Variants in DACH2 observed in about 807,000 individuals in gnomAD.
DACH2 encodes the protein dachshund family transcription factor 2, also known as dachshund homolog 2.
In DACH2, 17 loss-of-function variants were observed where a neutral mutation model predicts 35.8. The observed-to-expected ratio is 0.48, with a 90% confidence interval of 0.33 to 0.71. The LOEUF is 0.71. DACH2 is among the 30% of genes least tolerant of loss of function. DACH2 has a pLI of 0.02. For missense variants in DACH2, 469 were observed against 472.7 expected (o/e 0.99, Z 0.07); for synonymous variants, 195 against 177.3 (o/e 1.10, Z -0.79).
At chrX:86,262,983 A>C in intron 1 of DACH2, 1 of 753,425 alleles carries the variant, frequency 1.3e-6, no homozygotes, top group Non-Finnish European at 1.6e-6. Flanking sequence ...CACCCAAAGC[A>C]CTCTTAGTTG....
At chrX:86,777,759 G>A (rs976681406) in intron 7 of DACH2, among the ~76,000 whole-genome samples, 18 of 110,661 alleles carry the variant, frequency 1.6e-4, no homozygotes, top group African/African-American at 5.2e-4. Context: ...TAAATAGTTC[G>A]TCAACACCAC....
chrX:86,221,535 G>A (rs2032710912), intron 1 of DACH2, among the ~76,000 whole-genome samples: 1 of 111,392 alleles, frequency 9.0e-6, no homozygotes, highest in African/African-American at 3.3e-5. Context: ...AGACTGCTTT[G>A]GCTAAACAGT....
At chrX:86,604,117 G>T (rs2039827678) in intron 3 of DACH2, among the ~76,000 whole-genome samples, 2 of 111,118 alleles carry the variant, frequency 1.8e-5, no homozygotes, top group Non-Finnish European at 3.8e-5. Flanking sequence ...GCTGCTACTG[G>T]ATGGATTTTC....
intron 3 of DACH2, among the ~76,000 whole-genome samples, chrX:86,645,122 A>G (rs1368121779): frequency 9.0e-6 from 1 of 111,265 alleles, no homozygotes; most frequent in Non-Finnish European, 1.9e-5. Context: ...CAACAGAGTA[A>G]ACAGACAACT....
intron 1 of DACH2, 106 bp from the exon 2 acceptor site, chrX:86,376,718 A>G (rs773084168): frequency 7.4e-5 from 75 of 1,018,379 alleles, no homozygotes; most frequent in Non-Finnish European, 9.1e-5. Flanking sequence ...ATTTAGGAAG[A>G]TGTTTTGTGA....
At chrX:86,599,330 T>A (rs1349802988) in intron 3 of DACH2, among the ~76,000 whole-genome samples, 1 of 110,955 alleles carries the variant, frequency 9.0e-6, no homozygotes, top group Non-Finnish European at 1.9e-5. Flanking sequence ...TCTTTCTTTC[T>A]CTTTCTTTCT....
chrX:86,386,687 G>C (rs938301905), intron 2 of DACH2, among the ~76,000 whole-genome samples: 1 of 111,313 alleles, frequency 9.0e-6, no homozygotes, highest in Non-Finnish European at 1.9e-5. Context: ...AACTCTTTCA[G>C]TAGGCTCCTG....
At chrX:86,526,318 G>A (rs1433109660) in intron 3 of DACH2, among the ~76,000 whole-genome samples, 1 of 111,517 alleles carries the variant, frequency 9.0e-6, no homozygotes, top group African/African-American at 3.3e-5. Flanking sequence ...CCAAAAATGA[G>A]TAACAAAATG....
intron 6 of DACH2, among the ~76,000 whole-genome samples, chrX:86,736,266 A>G (rs368306911): frequency 9.0e-6 from 1 of 111,519 alleles, no homozygotes; most frequent in Admixed American, 9.6e-5. Context: ...TAGAAAAATA[A>G]CAATGGACTG....
chrX:86,462,542 T>C (rs1379058498), intron 2 of DACH2, among the ~76,000 whole-genome samples: 1 of 111,561 alleles, frequency 9.0e-6, no homozygotes, highest in Non-Finnish European at 1.9e-5. Context: ...TTTTTGCAAA[T>C]AATTGCAGGA....
chrX:86,482,021 T>C (rs756262726), intron 2 of DACH2, among the ~76,000 whole-genome samples: 1 of 112,284 alleles, frequency 8.9e-6, no homozygotes, highest in Admixed American at 9.5e-5. Flanking sequence ...TTTTAAATCA[T>C]GATCAACTGG....
chrX:86,323,602 TC>T (rs956872705), intron 1 of DACH2, among the ~76,000 whole-genome samples: 1 of 111,838 alleles, frequency 8.9e-6, no homozygotes, highest in African/African-American at 3.3e-5. Flanking sequence ...AGCTTGGAGA[TC>T]CTATGTCTGA....
At chrX:86,603,350 G>A (rs749791523) in intron 3 of DACH2, among the ~76,000 whole-genome samples, 15 of 110,589 alleles carry the variant, frequency 1.4e-4, no homozygotes, top group Non-Finnish European at 2.5e-4. Context: ...TGAATTTTGC[G>A]GAGGACACAG....
chrX:86,336,978 A>G (rs774525406), intron 1 of DACH2, among the ~76,000 whole-genome samples: 1 of 108,601 alleles, frequency 9.2e-6, no homozygotes, highest in East Asian at 3.0e-4. Flanking sequence ...AGGATATCAG[A>G]GATTGAAGAT....
At chrX:86,750,498 G>T (rs1260094198) in intron 7 of DACH2, among the ~76,000 whole-genome samples, 1 of 111,813 alleles carries the variant, frequency 8.9e-6, no homozygotes, top group Non-Finnish European at 1.9e-5. Context: ...CAATAGACTA[G>T]TGTTGACTGT....
At chrX:86,757,933 C>CA (rs1349010072) in intron 7 of DACH2, among the ~76,000 whole-genome samples, 1 of 111,894 alleles carries the variant, frequency 8.9e-6, no homozygotes, top group Non-Finnish European at 1.9e-5. Context: ...AATTCAAACT[C>CA]ATTATTCATT....
At chrX:86,618,809 T>C (rs2040037279) in intron 3 of DACH2, among the ~76,000 whole-genome samples, 1 of 111,973 alleles carries the variant, frequency 8.9e-6, no homozygotes, top group African/African-American at 3.2e-5. Flanking sequence ...TGTGGTTACT[T>C]AAAAATGCAC....
At chrX:86,282,691 A>T (rs1436846548) in intron 1 of DACH2, among the ~76,000 whole-genome samples, 1 of 109,308 alleles carries the variant, frequency 9.1e-6, no homozygotes, top group African/African-American at 3.3e-5. Context: ...AATATCCAGA[A>T]TCTGCAAAGA....
At chrX:86,739,137 G>T (rs189132799) in intron 6 of DACH2, among the ~76,000 whole-genome samples, 2 of 111,929 alleles carry the variant, frequency 1.8e-5, no homozygotes, top group East Asian at 5.6e-4. Flanking sequence ...GCCTCCCAAA[G>T]TGCTGAGATT....
Sources: allele counts gnomAD v4.1 joint callset (sites outside exome capture counted in the v4.1 genomes callset), GRCh38; gene constraint gnomAD v4.1.1; transcripts MANE v1.5; gene names NCBI Gene and HGNC (gene_info 2026-07-23, HGNC 2026-07-21).